RGPD1: variants seen among roughly 807,000 people sequenced by gnomAD.
The protein encoded by RGPD1 is RANBP2 like and GRIP domain containing 1.
In RGPD1, 7 loss-of-function variants were observed where a neutral mutation model predicts 40.6. That is an observed-to-expected ratio of 0.17 (90% CI 0.10 to 0.32). RGPD1 has a LOEUF of 0.32. RGPD1 is among the 10% of genes least tolerant of loss of function. The pLI is 1.00. For missense variants in RGPD1, 50 were observed against 472.5 expected, an observed-to-expected ratio of 0.11 and a Z score of 8.29; for synonymous variants, 24 against 167.0, an observed-to-expected ratio of 0.14 and a Z score of 6.60.
chr2:86,931,940 T>C (rs1291540758), intron 1 of RGPD1, among the ~76,000 whole-genome samples: 2 of 148,376 alleles, frequency 1.3e-5, no homozygotes, highest in African/African-American at 2.4e-5. Context: ...TATATATATA[T>C]TTATGTATTA....
At chr2:86,957,513 A>G (rs1680818639) in intron 4 of RGPD1, among the ~76,000 whole-genome samples, 193 bp from the exon 5 acceptor site, 1 of 152,310 alleles carries the variant, frequency 6.6e-6, no homozygotes, top group Admixed American at 6.5e-5. Context: ...GCTTTTCTTC[A>G]CATACAGTTC....
At chr2:86,923,310 G>A (rs1193136066) in intron 1 of RGPD1, among the ~76,000 whole-genome samples, 3 of 151,622 alleles carry the variant, frequency 2.0e-5, no homozygotes, top group Admixed American at 2.0e-4. Flanking sequence ...AAAGTGCTGG[G>A]ATTACAGGCA....
chr2:86,923,462 C>T (rs549714733), intron 1 of RGPD1, among the ~76,000 whole-genome samples: 2 of 151,320 alleles, frequency 1.3e-5, no homozygotes, highest in East Asian at 3.9e-4. Flanking sequence ...CTCATGTAAC[C>T]TACACTCCTA....
chr2:86,915,089 C>A lies in RGPD1; in HGVS notation c.72+1168C>A, dbSNP rs1201467165. ...GGCAGGTGGATCGCTTGAGGTCGGTCGTTCGAGACCAGCCTGGCCAACGTG... is the reference window on the plus strand; with the variant it reads ...GGCAGGTGGATCGCTTGAGGTCGGTAGTTCGAGACCAGCCTGGCCAACGTG... On this transcript the variant is annotated intron_variant, in intron 1 of 22. Coordinates refer to the RGPD1 transcript ENST00000398193. Among the ~76,000 whole-genome samples, 9 of 149,664 alleles carry A rather than the reference C, an allele frequency of 6.0e-5. 1 individual carries two copies. The highest frequency in any genetic ancestry group is 2.1e-4 in the South Asian group (1 of 4,664).
At chr2:86,978,081 T>TTTTC (rs1345258003) in intron 17 of RGPD1, 150 bp downstream of exon 17, 1 of 1,296,700 alleles carries the variant, frequency 7.7e-7, no homozygotes, top group African/African-American at 1.9e-5. Context: ...TTTTTTTTTT[T>TTTTC]TTTAAGGCAG....
At chr2:86,930,130 C>T (rs1364949638) in intron 1 of RGPD1, 43 of 1,519,636 alleles carry the variant, frequency 2.8e-5, no homozygotes, top group East Asian at 9.7e-5. Flanking sequence ...ACGGCGATAG[C>T]GGCAGGAGGG....
intron 1 of RGPD1, among the ~76,000 whole-genome samples, chr2:86,945,640 T>C (rs1165467821): frequency 2.5e-4 from 38 of 152,206 alleles, no homozygotes; most frequent in Admixed American, 2.5e-3. Flanking sequence ...CTTAAAAATA[T>C]TCTTCGTCTG....
intron 1 of RGPD1, among the ~76,000 whole-genome samples, chr2:86,931,169 A>G (rs1380281534): frequency 2.8e-5 from 4 of 145,356 alleles, no homozygotes; most frequent in Non-Finnish European, 6.1e-5. Flanking sequence ...TCAAGCAGTT[A>G]CTTACATCAA....
At chr2:86,934,710 C>G (rs1679224236) in intron 1 of RGPD1, 1 of 206,920 alleles carries the variant, frequency 4.8e-6, no homozygotes, top group African/African-American at 2.4e-5. Context: ...CAGCCAGGCT[C>G]TTAATGGTCA....
At chr2:86,942,406 G>T in intron 1 of RGPD1, 98 bp downstream of exon 1, 1 of 1,232,194 alleles carries the variant, frequency 8.1e-7, no homozygotes, top group Non-Finnish European at 1.0e-6. Flanking sequence ...CGGCGGCCTC[G>T]ATGGCTCAGG....
Position 87,009,072 on chromosome 2 carries a change from G to A in RGPD1, c.5237-3441G>A, listed in dbSNP as rs573683474. ...TATAATGCCAGCAATTTGGGAGGCC[G>A]AGGCGGGCAGATCGCAAGGTCAGGA... is the stretch of plus-strand genomic sequence containing the variant. On this transcript the variant is annotated intron_variant, in intron 22 of 22. Coordinates refer to ENST00000641458, the MANE Select transcript of RGPD1 (RefSeq NM_001382344.1). Among the ~76,000 whole-genome samples the A allele has an allele frequency of 8.8e-5, 13 of 146,960 alleles. 2 individuals carry two copies. The East Asian group carries it at 1.2e-3, about 14-fold the overall frequency.
chr2:86,993,042 GTTAC>G (rs1263554862), intron 20 of RGPD1, among the ~76,000 whole-genome samples: 3 of 126,688 alleles, frequency 2.4e-5, no homozygotes, highest in Non-Finnish European at 3.4e-5. Context: ...TTCACTTATA[GTTAC>G]TTAATTCCTC....
At chr2:86,924,773 T>C (rs569340494) in intron 1 of RGPD1, among the ~76,000 whole-genome samples, 42 of 151,254 alleles carry the variant, frequency 2.8e-4, no homozygotes, top group African/African-American at 9.7e-4. Context: ...TTTCTTTTAA[T>C]TTAATTTAAT....
intron 1 of RGPD1, among the ~76,000 whole-genome samples, chr2:86,914,100 CGGCGGCG>C (rs1677601514): frequency 7.0e-5 from 7 of 99,606 alleles, no homozygotes; most frequent in Non-Finnish European, 9.9e-5. Context: ...GCGGCGGCGG[CGGCGGCG>C]GCGGCCTCGG....
In RGPD1 at chr2:86,945,340, C is replaced by T. The variant is rs536333843; in HGVS notation, c.72+3032C>T. Among the ~76,000 whole-genome samples the T allele has an allele frequency of 1.2e-3, 184 of 151,984 alleles. 1 individual carries two copies. Among genetic ancestry groups the T allele is most frequent in the Admixed American group, 3.3e-3 (50 of 15,256 alleles). On this transcript the variant is annotated intron_variant, in intron 1 of 22. Coordinates refer to ENST00000641458, the MANE Select transcript of RGPD1 (RefSeq NM_001382344.1). ...TAACTTTGGAACATGTGAAGCTATTCTGTAAAGTTAGGTTTGAGTGAAATG... is the reference window on the plus strand; with the variant it reads ...TAACTTTGGAACATGTGAAGCTATTTTGTAAAGTTAGGTTTGAGTGAAATG...
At chr2:86,931,943 ATG>A (rs1389264597) in intron 1 of RGPD1, among the ~76,000 whole-genome samples, 3 of 148,306 alleles carry the variant, frequency 2.0e-5, no homozygotes, top group East Asian at 1.9e-4. Context: ...ATATATATTT[ATG>A]TATTATATTC....
chr2:87,011,433 CAGAG>C lies in RGPD1; in HGVS notation c.5237-1077_5237-1074del, dbSNP rs1231258345. On this transcript the variant is annotated intron_variant, in intron 22 of 22. Transcript: ENST00000641458. ...GCTACTGTGACAGCCAAGTCTTAGACAGAGAGCCAAAATATTTTTATTGCACAGT... is the reference window on the plus strand; with the variant it reads ...GCTACTGTGACAGCCAAGTCTTAGACAGCCAAAATATTTTTATTGCACAGT... Among the ~76,000 whole-genome samples the C allele has an allele frequency of 8.4e-5, 2 of 23,816 alleles. 1 individual carries two copies. The highest frequency in any genetic ancestry group is 1.5e-4 in the Non-Finnish European group (2 of 13,296). The allele number at this position is 23,816 out of a possible 152,430, so 15.6% of individuals were successfully genotyped here.
At chr2:86,939,408 G>A (rs183104974), upstream of RGPD1, among the ~76,000 whole-genome samples, 599 of 150,090 alleles carry the variant, frequency 4.0e-3, 6 homozygotes, top group South Asian at 0.012. Context: ...GTGAAACCCC[G>A]TCTCTACTAA....
At chr2:86,925,523 C>T (rs1678419653) in intron 1 of RGPD1, among the ~76,000 whole-genome samples, 1 of 152,212 alleles carries the variant, frequency 6.6e-6, no homozygotes, top group South Asian at 2.1e-4. Context: ...CAGCCTTGGC[C>T]TCCCAAAGTT....
Sources: gnomAD v4.1 joint callset for allele counts (sites outside exome capture counted in the v4.1 genomes callset) on GRCh38, gnomAD v4.1.1 for gene constraint, MANE v1.5 for transcripts, NCBI Gene and HGNC (gene_info 2026-07-23, HGNC 2026-07-21) for gene names.